Variants in WWOX observed in about 807,000 individuals in gnomAD.
WWOX encodes WW domain-containing oxidoreductase.
A neutral mutation model predicts 46.2 loss-of-function variants in WWOX; 69 were observed. The observed-to-expected ratio is 1.49, with a 90% CI of 1.23 to 1.82. The LOEUF is 1.82. Among genes scored for constraint, WWOX ranks in the 40% most tolerant of loss-of-function variants. WWOX has a pLI of 0.00. For synonymous variants in WWOX, 359 were observed against 202.6 expected (o/e 1.77, Z -6.56); for missense variants, 919 against 542.6 (o/e 1.69, Z -6.89).
rs190659485 is a variant in WWOX at position 78,642,713 on chromosome 16, T to C, written c.1056+209961T>C. Among the ~76,000 whole-genome samples the C allele has an allele frequency of 5.1e-3, 775 of 152,224 alleles. 3 individuals are homozygous for C. The highest frequency in any genetic ancestry group is 0.02 in the Middle Eastern group (6 of 294). ...CACCTCGACCGCTATGGTATTTCTT[T>C]TGCTTCTGCTGAGGCTGTGTGTGGG... On this transcript the variant is annotated intron_variant, in intron 8 of 8. Coordinates refer to ENST00000566780, the MANE Select transcript of WWOX (RefSeq NM_016373.4).
chr16:78,790,592 A>G (rs928614391), intron 8 of WWOX, among the ~76,000 whole-genome samples: 3 of 152,200 alleles, frequency 2.0e-5, no homozygotes, highest in African/African-American at 4.8e-5. Context: ...GAAACTGAAA[A>G]GAGGAGCCTG....
chr16:79,004,203 C>G (rs1233630335), intron 8 of WWOX: 1 of 152,164 alleles, frequency 6.6e-6, no homozygotes, highest in Non-Finnish European at 1.5e-5. Flanking sequence ...CTGTTGAGTC[C>G]CTGTGCACCT....
intron 8 of WWOX, among the ~76,000 whole-genome samples, chr16:79,122,620 C>G (rs1285701452): frequency 4.0e-5 from 6 of 151,524 alleles, no homozygotes; most frequent in African/African-American, 1.5e-4. Flanking sequence ...ATACTCTCTA[C>G]TTTTCTTCTT....
intron 8 of WWOX, among the ~76,000 whole-genome samples, chr16:79,208,081 G>C (rs1023092845): frequency 2.0e-5 from 3 of 152,186 alleles, no homozygotes; most frequent in South Asian, 2.1e-4. Flanking sequence ...ATTTTTGAAA[G>C]AGAATGATGA....
At chr16:78,392,340 C>T (rs995395728) in intron 6 of WWOX, among the ~76,000 whole-genome samples, 1 of 152,132 alleles carries the variant, frequency 6.6e-6, no homozygotes. Flanking sequence ...GATGATCTGT[C>T]ACTGCCTCCC....
At chr16:78,614,946 C>A (rs1241334378) in intron 8 of WWOX, among the ~76,000 whole-genome samples, 1 of 152,132 alleles carries the variant, frequency 6.6e-6, no homozygotes, top group African/African-American at 2.4e-5. Flanking sequence ...GTGATGCTTG[C>A]TTTAATCAGT....
chr16:78,230,973 A>T (rs1448414381), intron 5 of WWOX, among the ~76,000 whole-genome samples: 1 of 152,240 alleles, frequency 6.6e-6, no homozygotes, highest in East Asian at 1.9e-4. Flanking sequence ...AGGTATCTTT[A>T]TCCCTTATTT....
intron 8 of WWOX, among the ~76,000 whole-genome samples, chr16:78,920,296 G>A (rs536694278): frequency 6.6e-6 from 1 of 152,204 alleles, no homozygotes; most frequent in South Asian, 2.1e-4. Context: ...TCACTCTGGG[G>A]CAGGGATGTG....
intron 8 of WWOX, among the ~76,000 whole-genome samples, chr16:78,447,180 T>C (rs750522386): frequency 3.3e-5 from 5 of 152,188 alleles, no homozygotes; most frequent in Admixed American, 6.5e-5. Flanking sequence ...AAGTTAGCTG[T>C]GTAGCTTTGG....
chr16:78,173,068 A>G (rs1049823311), intron 5 of WWOX, among the ~76,000 whole-genome samples: 1 of 152,204 alleles, frequency 6.6e-6, no homozygotes, highest in South Asian at 2.1e-4. Flanking sequence ...TAGAGAAACA[A>G]CTGTAGATGA....
chr16:78,677,682 C>G (rs1344947233), intron 8 of WWOX, among the ~76,000 whole-genome samples: 1 of 152,196 alleles, frequency 6.6e-6, no homozygotes, highest in Non-Finnish European at 1.5e-5. Context: ...TGGTCTCTAT[C>G]TTATCTCTTG....
At chr16:78,861,481 C>G (rs893399935) in intron 8 of WWOX, among the ~76,000 whole-genome samples, 2 of 152,186 alleles carry the variant, frequency 1.3e-5, no homozygotes, top group Non-Finnish European at 2.9e-5. Context: ...TGTTTTATCT[C>G]TCTCCACCCA....
chr16:78,861,745 CCTT>C (rs1311568259), intron 8 of WWOX, among the ~76,000 whole-genome samples: 15 of 152,170 alleles, frequency 9.9e-5, no homozygotes, highest in African/African-American at 3.6e-4. Context: ...TAACTCATTT[CCTT>C]CTTTTGATTT....
At chr16:78,635,973 G>T (rs2046558415) in intron 8 of WWOX, among the ~76,000 whole-genome samples, 1 of 152,134 alleles carries the variant, frequency 6.6e-6, no homozygotes, top group African/African-American at 2.4e-5. Context: ...TGGCCTAATT[G>T]CACGGTTAAT....
intron 8 of WWOX, among the ~76,000 whole-genome samples, chr16:78,612,957 C>T (rs534536851): frequency 4.6e-5 from 7 of 152,300 alleles, no homozygotes; most frequent in Admixed American, 1.3e-4. Flanking sequence ...GGGGTCACTA[C>T]CAACCTTGCC....
At chr16:78,403,891 A>G (rs1426467170) in intron 6 of WWOX, among the ~76,000 whole-genome samples, 2 of 152,192 alleles carry the variant, frequency 1.3e-5, no homozygotes, top group African/African-American at 2.4e-5. Flanking sequence ...ACTTACTTGC[A>G]CTGCAGGTCA....
chr16:78,916,200 A>C (rs1418243290), intron 8 of WWOX, among the ~76,000 whole-genome samples: 1 of 152,188 alleles, frequency 6.6e-6, no homozygotes, highest in East Asian at 1.9e-4. Flanking sequence ...CCTTATGCTG[A>C]CAGTAGGGAG....
chr16:78,202,461 C>G (rs1352808534), intron 5 of WWOX, among the ~76,000 whole-genome samples: 1 of 152,182 alleles, frequency 6.6e-6, no homozygotes, highest in African/African-American at 2.4e-5. Flanking sequence ...AAGTTGGTCA[C>G]CTTTTCAAGA....
At chr16:78,861,991 T>C (rs2043894575) in intron 8 of WWOX, among the ~76,000 whole-genome samples, 1 of 152,290 alleles carries the variant, frequency 6.6e-6, no homozygotes, top group South Asian at 2.1e-4. Context: ...ATTGAACTAA[T>C]ACTATATGTG....
Sources: allele counts gnomAD v4.1 joint callset (sites outside exome capture counted in the v4.1 genomes callset), GRCh38; gene constraint gnomAD v4.1.1; transcripts MANE v1.5; gene names NCBI Gene and HGNC (gene_info 2026-07-23, HGNC 2026-07-21).